ATXN7L1: variants seen among roughly 807,000 people sequenced by gnomAD.
The protein encoded by ATXN7L1 is ataxin 7 like 1.
A neutral mutation model predicts 70.8 loss-of-function variants in ATXN7L1; 15 were observed. The observed-to-expected ratio is 0.21, with a 90% CI of 0.14 to 0.33. The LOEUF is 0.33. ATXN7L1 is among the 10% of genes least tolerant of loss of function. The pLI, the probability that ATXN7L1 is intolerant of heterozygous loss-of-function variation, is 1.00. For synonymous variants in ATXN7L1, 440 were observed against 445.1 expected (o/e 0.99, Z 0.14); for missense variants, 975 against 1,097.1 (o/e 0.89, Z 1.57).
chr7:105,852,304 A>T (rs987525005), intron 2 of ATXN7L1, among the ~76,000 whole-genome samples: 2 of 152,146 alleles, frequency 1.3e-5, no homozygotes, highest in Non-Finnish European at 2.9e-5. Context: ...TTTCTGACAG[A>T]GGGAGACCCA....
chr7:105,631,799 G>C (rs1035711648), intron 7 of ATXN7L1, among the ~76,000 whole-genome samples: 1 of 152,230 alleles, frequency 6.6e-6, no homozygotes, highest in Admixed American at 6.5e-5. Flanking sequence ...AGAGAGCAAA[G>C]GTTTACTTGC....
At chr7:105,819,688 C>A in intron 2 of ATXN7L1, 1 of 929,138 alleles carries the variant, frequency 1.1e-6, no homozygotes. Context: ...AACACCAACC[C>A]TTCCCGAGGC....
At chr7:105,735,845 TA>T (rs1207889388) in intron 3 of ATXN7L1, among the ~76,000 whole-genome samples, 1 of 152,194 alleles carries the variant, frequency 6.6e-6, no homozygotes, top group Non-Finnish European at 1.5e-5. Context: ...TATAATTAAT[TA>T]ATCATATATT....
At chr7:105,845,204 CAAAAAAAAAA>C (rs3057532) in intron 2 of ATXN7L1, among the ~76,000 whole-genome samples, 6 of 62,990 alleles carry the variant, frequency 9.5e-5, no homozygotes, top group African/African-American at 2.8e-4. Flanking sequence ...AACTCTGTCT[CAAAAAAAAAA>C]AAAAAAAAAA....
intron 3 of ATXN7L1, among the ~76,000 whole-genome samples, chr7:105,674,409 T>C (rs1804285464): frequency 6.6e-6 from 1 of 152,216 alleles, no homozygotes; most frequent in Non-Finnish European, 1.5e-5. Context: ...ATCTACCCAA[T>C]AACCCTACCA....
intron 2 of ATXN7L1, among the ~76,000 whole-genome samples, chr7:105,844,933 G>A (rs1424882585): frequency 6.6e-6 from 1 of 152,158 alleles, no homozygotes; most frequent in Non-Finnish European, 1.5e-5. Context: ...GGCTGGGCAA[G>A]GTGACTTATG....
At chr7:105,845,775 A>G (rs1192888678) in intron 2 of ATXN7L1, among the ~76,000 whole-genome samples, 1 of 152,180 alleles carries the variant, frequency 6.6e-6, no homozygotes, top group Non-Finnish European at 1.5e-5. Flanking sequence ...CTTCATCAAG[A>G]GTTCCAAGAC....
At chr7:105,873,900 G>T (rs1367984333) in intron 2 of ATXN7L1, among the ~76,000 whole-genome samples, 1 of 152,110 alleles carries the variant, frequency 6.6e-6, no homozygotes, top group Non-Finnish European at 1.5e-5. Context: ...GGCCAAGTGG[G>T]CAGATCACGA....
chr7:105,705,480 C>T (rs1418142841), intron 3 of ATXN7L1, among the ~76,000 whole-genome samples: 1 of 152,150 alleles, frequency 6.6e-6, no homozygotes, highest in Non-Finnish European at 1.5e-5. Context: ...GGTTCTTTTA[C>T]TTTTAATTAT....
chr7:105,634,077 C>T (rs1035100994), intron 7 of ATXN7L1, among the ~76,000 whole-genome samples: 7 of 152,186 alleles, frequency 4.6e-5, no homozygotes, highest in African/African-American at 1.2e-4. Context: ...CAGGGTGATA[C>T]CTGGTGGGAA....
intron 3 of ATXN7L1, among the ~76,000 whole-genome samples, chr7:105,729,706 A>C (rs1223051283): frequency 1.3e-5 from 2 of 150,164 alleles, no homozygotes; most frequent in Non-Finnish European, 3.0e-5. Flanking sequence ...TGGGGATTAC[A>C]GGCATGAGCC....
intron 3 of ATXN7L1, among the ~76,000 whole-genome samples, chr7:105,786,692 T>C (rs1001228589): frequency 2.6e-5 from 4 of 152,020 alleles, no homozygotes; most frequent in African/African-American, 9.7e-5. Context: ...CTAAATTTTT[T>C]TTTTAAGAAA....
At chr7:105,732,025 G>A (rs1255530810) in intron 3 of ATXN7L1, among the ~76,000 whole-genome samples, 2 of 151,994 alleles carry the variant, frequency 1.3e-5, no homozygotes, top group Non-Finnish European at 2.9e-5. Flanking sequence ...CCCGGGAGTC[G>A]GAGGTTGCAG....
intron 2 of ATXN7L1, 95 bp downstream of exon 2, chr7:105,875,717 A>G (rs1273285888): frequency 8.4e-7 from 1 of 1,194,146 alleles, no homozygotes; most frequent in Non-Finnish European, 1.2e-6. Flanking sequence ...AGCCTTAGTC[A>G]CTCTGTACCC....
intron 2 of ATXN7L1, among the ~76,000 whole-genome samples, chr7:105,858,628 G>A (rs755068438): frequency 4.6e-5 from 7 of 152,282 alleles, no homozygotes; most frequent in Non-Finnish European, 7.3e-5. Flanking sequence ...ACCTTACGAA[G>A]TCATCCATAT....
At chr7:105,726,420 C>T (rs1168748215) in intron 3 of ATXN7L1, among the ~76,000 whole-genome samples, 1 of 152,150 alleles carries the variant, frequency 6.6e-6, no homozygotes, top group Non-Finnish European at 1.5e-5. Context: ...CCTTACATGT[C>T]CCTTAGTGTG....
chr7:105,854,958 CT>C (rs34345388), intron 2 of ATXN7L1, among the ~76,000 whole-genome samples: 84,852 of 130,094 alleles, frequency 0.65, 26,677 homozygotes, highest in Middle Eastern at 0.73. Flanking sequence ...TCTTCTTCTT[CT>C]TTTTTTTTTT....
chr7:105,746,906 C>T (rs902122768), intron 3 of ATXN7L1, among the ~76,000 whole-genome samples: 4 of 152,130 alleles, frequency 2.6e-5, no homozygotes, highest in Non-Finnish European at 4.4e-5. Context: ...TGGGTGACTG[C>T]GGGCAGGAGT....
rs117695829 is a variant in ATXN7L1, at chr7:105,725,129, C to T, written c.356-59841G>A. ...GGTAGGGAGTGGGTAGAATTTGAGC[C>T]TATCTTTTTGGGAAGACACAATTTA... On this transcript the variant is annotated intron_variant, in intron 3 of 11. Transcript: ENST00000419735. Among the ~76,000 whole-genome samples, 57 of 152,258 alleles carry T rather than the reference C, an allele frequency of 3.7e-4. No homozygotes were observed. In the East Asian group the frequency reaches 0.01, roughly 27 times the overall value.
Sources: gnomAD v4.1 joint callset for allele counts (sites outside exome capture counted in the v4.1 genomes callset) on GRCh38, gnomAD v4.1.1 for gene constraint, MANE v1.5 for transcripts, NCBI Gene and HGNC (gene_info 2026-07-23, HGNC 2026-07-21) for gene names.